MTHFD1L: variants seen among roughly 807,000 people sequenced by gnomAD.
The protein encoded by MTHFD1L is monofunctional C1-tetrahydrofolate synthase, mitochondrial.
A neutral mutation model predicts 119.5 loss-of-function variants in MTHFD1L; 81 were observed. The observed-to-expected ratio is 0.68, with a 90% CI of 0.57 to 0.82. The LOEUF (loss-of-function observed/expected upper bound fraction) is 0.82, where lower values mean the gene tolerates loss of function less well. MTHFD1L is among the 40% of genes least tolerant of loss of function. The probability of loss-of-function intolerance (pLI) is 0.00; values close to 1 mark genes in which losing one functional copy is unlikely to be tolerated. For synonymous variants in MTHFD1L, 430 were observed against 475.2 expected (o/e 0.90, Z 1.24); for missense variants, 1,125 against 1,253.4 (o/e 0.90, Z 1.55).
At chr6:151,093,580 C>T (rs1029212078) in intron 27 of MTHFD1L, among the ~76,000 whole-genome samples, 22 of 152,006 alleles carry the variant, frequency 1.4e-4, no homozygotes, top group Non-Finnish European at 1.5e-4. Context: ...TGCTTGAACC[C>T]GGGAGGCGGA....
intron 1 of MTHFD1L, among the ~76,000 whole-genome samples, chr6:150,867,355 A>ATTATT (rs1293416685): frequency 2.0e-5 from 3 of 151,794 alleles, no homozygotes; most frequent in Non-Finnish European, 4.4e-5. Context: ...CCATGCCCGG[A>ATTATT]TTATTTTATT....
chr6:150,976,198 C>G (rs1010482605), intron 20 of MTHFD1L, among the ~76,000 whole-genome samples: 3 of 152,076 alleles, frequency 2.0e-5, no homozygotes, highest in African/African-American at 7.2e-5. Flanking sequence ...CAGACTCTGT[C>G]TCAAAAAATA....
At chr6:150,962,914 C>CTTTTTTTTTTTTTTTTTTT (rs4035893) in intron 18 of MTHFD1L, among the ~76,000 whole-genome samples, 3 of 114,148 alleles carry the variant, frequency 2.6e-5, no homozygotes, top group African/African-American at 6.7e-5. Context: ...CTTTTCTTTT[C>CTTTTTTTTTTTTTTTTTTT]TTTTTTTTTT....
intron 24 of MTHFD1L, among the ~76,000 whole-genome samples, chr6:151,033,126 T>TC (rs1321357813): frequency 1.3e-5 from 2 of 151,912 alleles, no homozygotes; most frequent in East Asian, 3.9e-4. Context: ...GCTTTCTTTT[T>TC]TTTTTTTTTT....
chr6:151,067,417 A>G (rs1476429835), intron 26 of MTHFD1L, among the ~76,000 whole-genome samples: 1 of 151,100 alleles, frequency 6.6e-6, no homozygotes, highest in Non-Finnish European at 1.5e-5. Flanking sequence ...TCGACCTCCT[A>G]CGTCCAAGCA....
At position 151,042,026 on chromosome 6, in the gene MTHFD1L, G is replaced by A. The variant is rs10457868; in HGVS notation, c.2847+4909G>A. 3.1e-3 allele frequency: 1,122 copies of A among 358,258 alleles called. 3 individuals are homozygous for A. The highest frequency in any genetic ancestry group is 4.6e-3 in the Non-Finnish European group (809 of 177,766). 22.2% of individuals were successfully genotyped at this position (358,258 alleles called of 1,614,324 possible). A position where few individuals can be genotyped will look rare whatever the true frequency, so the allele number is the denominator to read the frequency against. On this transcript the variant is annotated intron_variant, in intron 26 of 27. Coordinates refer to ENST00000367321, the MANE Select transcript of MTHFD1L (RefSeq NM_015440.5). ...TTCTATTTAATTATTGCTTTAATTGGCATTGGTGACCACAAATAATAATAA... is the reference window on the plus strand; with the variant it reads ...TTCTATTTAATTATTGCTTTAATTGACATTGGTGACCACAAATAATAATAA...
At chr6:150,983,777 CGTTTT>C (rs920720558) in intron 20 of MTHFD1L, among the ~76,000 whole-genome samples, 2 of 152,074 alleles carry the variant, frequency 1.3e-5, no homozygotes, top group Admixed American at 6.6e-5. Flanking sequence ...TTCTTCTTTT[CGTTTT>C]GTTTTGTTTT....
chr6:151,014,468 A>G (rs558822096), intron 22 of MTHFD1L, among the ~76,000 whole-genome samples: 1 of 152,226 alleles, frequency 6.6e-6, no homozygotes, highest in African/African-American at 2.4e-5. Context: ...GGAGTGGCTT[A>G]CTCTTTTCTG....
At chr6:150,890,254 A>G (rs191889457) in intron 7 of MTHFD1L, among the ~76,000 whole-genome samples, 62 of 152,080 alleles carry the variant, frequency 4.1e-4, no homozygotes, top group African/African-American at 1.4e-3. Flanking sequence ...GTGTTTACAA[A>G]TGGTCAGAGC....
In MTHFD1L at chr6:151,082,891, G is replaced by GT. The variant is rs547353086; in HGVS notation, c.2848-9575dup. On this transcript the variant is annotated intron_variant, in intron 26 of 27. Transcript: ENST00000367321. ...CAAGATGCAATTCGTATAGGGTAGAGTCCCCTGTCTCCCGATAATGCTTTG... is the reference window on the plus strand; with the variant it reads ...CAAGATGCAATTCGTATAGGGTAGAGTTCCCCTGTCTCCCGATAATGCTTTG... 1.8e-3 allele frequency among the ~76,000 whole-genome samples: 272 copies of GT among 152,318 alleles called. 1 individual carries two copies. Among genetic ancestry groups the GT allele is most frequent in the African/African-American group, 5.4e-3 (226 of 41,574 alleles).
intron 1 of MTHFD1L, among the ~76,000 whole-genome samples, chr6:150,872,175 C>CCCCATCCCCAACTATTT (rs1779662053): frequency 6.6e-6 from 1 of 152,148 alleles, no homozygotes; most frequent in Non-Finnish European, 1.5e-5. Flanking sequence ...TGCGCCCGGC[C>CCCCATCCCCAACTATTT]TAATAAGGCT....
At chr6:151,034,298 A>G (rs74702835) in intron 24 of MTHFD1L, among the ~76,000 whole-genome samples, 195 bp from the exon 25 acceptor site, 3,780 of 152,222 alleles carry the variant, frequency 0.025, 102 homozygotes, top group Admixed American at 0.091. Context: ...CATCTGATCT[A>G]TTTCTGACAC....
chr6:151,088,290 C>G (rs1794023190), intron 26 of MTHFD1L: 1 of 152,062 alleles, frequency 6.6e-6, no homozygotes, highest in African/African-American at 2.4e-5. Flanking sequence ...CGTCGCTTAT[C>G]CCAAATAAGT....
intron 26 of MTHFD1L, among the ~76,000 whole-genome samples, chr6:151,044,820 G>A (rs73780321): frequency 2.6e-5 from 4 of 152,188 alleles, no homozygotes; most frequent in Admixed American, 6.5e-5. Flanking sequence ...CTGCTGGAGC[G>A]TGTTTGGGGC....
At chr6:150,883,734 C>T (rs1024606987) in intron 5 of MTHFD1L, among the ~76,000 whole-genome samples, 8 of 152,260 alleles carry the variant, frequency 5.3e-5, no homozygotes, top group South Asian at 2.1e-4. Flanking sequence ...GGATACCGGC[C>T]GTCTCCAGTG....
intron 26 of MTHFD1L, among the ~76,000 whole-genome samples, chr6:151,063,357 G>T (rs147908942): frequency 3.9e-5 from 6 of 152,084 alleles, no homozygotes; most frequent in African/African-American, 1.4e-4. Flanking sequence ...TATATTAAAA[G>T]AAACAAAACT....
At chr6:150,991,412 A>G (rs980885985) in intron 20 of MTHFD1L, among the ~76,000 whole-genome samples, 1 of 152,236 alleles carries the variant, frequency 6.6e-6, no homozygotes, top group Non-Finnish European at 1.5e-5. Context: ...TGAGATTTAT[A>G]TCTATATATG....
chr6:150,932,124 T>C (rs1791142668), intron 11 of MTHFD1L, among the ~76,000 whole-genome samples: 1 of 125,134 alleles, frequency 8.0e-6, no homozygotes, highest in African/African-American at 3.2e-5. Flanking sequence ...ATCACACCAT[T>C]GCAGTCCAGC....
At position 150,938,811 on chromosome 6, in the gene MTHFD1L, C is replaced by G. The variant is rs142073457; in HGVS notation, c.1440+66C>G. 262 of 1,533,652 alleles carry G rather than the reference C, an allele frequency of 1.7e-4. No homozygotes were observed. The African/African-American group carries it at 3.1e-3, about 18-fold the overall frequency. Reference sequence around the variant, plus strand: ...TCCTTCCTGACATCTTGTCTCTGCTCCCATCCACACAGGCCCACAGACCCT... The same window carrying G: ...TCCTTCCTGACATCTTGTCTCTGCTGCCATCCACACAGGCCCACAGACCCT... On this transcript the variant is annotated intron_variant, in intron 13 of 27. Transcript: ENST00000367321.
Sources: gnomAD v4.1 joint callset for allele counts (sites outside exome capture counted in the v4.1 genomes callset) on GRCh38, gnomAD v4.1.1 for gene constraint, MANE v1.5 for transcripts, NCBI Gene and HGNC (gene_info 2026-07-23, HGNC 2026-07-21) for gene names.